DZANK1: variants seen among roughly 807,000 people sequenced by gnomAD.
DZANK1 encodes double zinc ribbon and ankyrin repeat domains 1.
A neutral mutation model predicts 94.5 loss-of-function variants in DZANK1; 91 were observed. That is an observed-to-expected ratio of 0.96 (90% confidence interval 0.81 to 1.15). The LOEUF (loss-of-function observed/expected upper bound fraction) is 1.15, where lower values mean the gene tolerates loss of function less well. Ranked by LOEUF, DZANK1 falls within the 50% of genes most tolerant of loss-of-function variation. The pLI is 0.00. For synonymous variants in DZANK1, 312 were observed against 325.3 expected, an observed-to-expected ratio of 0.96 and a Z score of 0.44; for missense variants, 903 against 916.4, an observed-to-expected ratio of 0.99 and a Z score of 0.19.
intron 13 of DZANK1, among the ~76,000 whole-genome samples, chr20:18,409,886 A>G (rs947980313): frequency 3.3e-5 from 5 of 152,098 alleles, no homozygotes; most frequent in Admixed American, 2.6e-4. Context: ...TGGCTAACAC[A>G]GTGAAACCCT....
At chr20:18,402,309 C>T (rs565551796) in intron 13 of DZANK1, among the ~76,000 whole-genome samples, 2 of 152,254 alleles carry the variant, frequency 1.3e-5, no homozygotes, top group African/African-American at 4.8e-5. Context: ...AGATAGAAGA[C>T]ACCTGAAGCT....
At chr20:18,413,159 TC>T in intron 12 of DZANK1, 1 of 390,912 alleles carries the variant, frequency 2.6e-6, no homozygotes, top group Non-Finnish European at 4.6e-6. Flanking sequence ...AGCATAGACT[TC>T]ACTACTAATC....
chr20:18,433,432 C>T, intron 9 of DZANK1: 5 of 488,506 alleles, frequency 1.0e-5, no homozygotes, highest in Non-Finnish European at 1.8e-5. Flanking sequence ...GTTCCAGCTA[C>T]TCAGGAGGCT....
intron 3 of DZANK1, among the ~76,000 whole-genome samples, chr20:18,456,660 T>C (rs2059303082): frequency 6.6e-6 from 1 of 152,164 alleles, no homozygotes; most frequent in South Asian, 2.1e-4. Context: ...ATAAATGTAA[T>C]TATACATATG....
intron 13 of DZANK1, among the ~76,000 whole-genome samples, chr20:18,409,307 T>A (rs2057116832): frequency 6.6e-6 from 1 of 151,696 alleles, no homozygotes; most frequent in East Asian, 1.9e-4. Flanking sequence ...AAGAGAGAGG[T>A]GATTCCTAAG....
At chr20:18,396,338 T>A (rs1386554288) in intron 15 of DZANK1, 134 bp downstream of exon 15, 2 of 651,360 alleles carry the variant, frequency 3.1e-6, no homozygotes, top group Non-Finnish European at 5.3e-6. Context: ...TCTATGAAAT[T>A]GCTTGCCTCT....
intron 17 of DZANK1, among the ~76,000 whole-genome samples, chr20:18,391,729 A>T (rs574299233): frequency 6.6e-6 from 1 of 152,160 alleles, no homozygotes; most frequent in African/African-American, 2.4e-5. Context: ...TGGAAATAAT[A>T]CCTTCCCTGT....
At chr20:18,466,578 G>A (rs1034471468) in intron 1 of DZANK1, among the ~76,000 whole-genome samples, 2 of 152,164 alleles carry the variant, frequency 1.3e-5, no homozygotes, top group African/African-American at 4.8e-5. Flanking sequence ...TTAAGTGAAA[G>A]GCAGATAAAA....
At chr20:18,413,170 C>G (rs897350540) in intron 12 of DZANK1, 1 of 342,022 alleles carries the variant, frequency 2.9e-6, no homozygotes, top group Admixed American at 4.4e-5. Context: ...CACTACTAAT[C>G]CACACTCAGC....
At chr20:18,429,853 A>G (rs2058211234) in intron 9 of DZANK1, among the ~76,000 whole-genome samples, 1 of 152,226 alleles carries the variant, frequency 6.6e-6, no homozygotes. Flanking sequence ...AAATCATTTT[A>G]TATCACAATC....
rs139356280 is a variant in DZANK1, at chr20:18,426,844, A to C, written c.954+223T>G. Among the ~76,000 whole-genome samples the C allele has an allele frequency of 5.7e-3, 864 of 152,314 alleles. 12 individuals are homozygous for C. Among genetic ancestry groups the C allele is most frequent in the African/African-American group, 0.02 (820 of 41,564 alleles). On this transcript the variant is annotated intron_variant, in intron 10 of 20. Transcript: ENST00000262547. ...TGCAAAGTTATTAAACAAAATCATA[A>C]GAAATTATTGATTTTACTGAATCCT...
intron 14 of DZANK1, among the ~76,000 whole-genome samples, chr20:18,397,000 A>T (rs2056379998): frequency 1.3e-5 from 2 of 152,332 alleles, no homozygotes; most frequent in South Asian, 4.1e-4. Flanking sequence ...GATTAAGCCA[A>T]GGGACAAGAA....
intron 7 of DZANK1, among the ~76,000 whole-genome samples, chr20:18,445,666 T>C (rs1474379660): frequency 3.3e-5 from 5 of 152,158 alleles, no homozygotes; most frequent in Admixed American, 6.5e-5. Flanking sequence ...TTTGGGAGAC[T>C]AAGGTGGGAG....
At chr20:18,449,868 C>T (rs937856799) in intron 6 of DZANK1, among the ~76,000 whole-genome samples, 7 of 151,254 alleles carry the variant, frequency 4.6e-5, no homozygotes, top group Admixed American at 6.6e-5. Flanking sequence ...CACCTGAGGT[C>T]GGGAGTTCGA....
At chr20:18,447,377 A>G (rs2058917698) in intron 7 of DZANK1, among the ~76,000 whole-genome samples, 1 of 152,182 alleles carries the variant, frequency 6.6e-6, no homozygotes, top group Non-Finnish European at 1.5e-5. Flanking sequence ...GCTGGAGTGC[A>G]GTGGCACAAT....
chr20:18,415,834 T>C (rs2057466151), intron 10 of DZANK1, among the ~76,000 whole-genome samples: 1 of 152,256 alleles, frequency 6.6e-6, no homozygotes, highest in Non-Finnish European at 1.5e-5. Flanking sequence ...TTCTATCCTT[T>C]GGAGTTTTGG....
In DZANK1 at chr20:18,389,726, C is replaced by T. The variant is rs576113894; in HGVS notation, c.1993G>A (p.Ala665Thr). The change falls in exon 19 of 21, where the codon GCA becomes ACA. Residue 665 changes from alanine (A) to threonine (T), a missense_variant. Transcript: ENST00000262547. ...GGCCCCCACTGCTGGTCGATGTCTG[C>T]TCCTCTCTGCACGAGAACTGGAATC... 4.4e-5 allele frequency: 71 copies of T among 1,613,936 alleles called. No individual in the cohort carries two copies. In the South Asian group the frequency reaches 7.2e-4, roughly 16 times the overall value.
intron 15 of DZANK1, 135 bp from the exon 16 acceptor site, chr20:18,394,485 G>A (rs1051119682): frequency 4.6e-6 from 4 of 878,860 alleles, no homozygotes; most frequent in Non-Finnish European, 7.3e-6. Context: ...CCTGAGACCT[G>A]GATGTCCTTC....
chr20:18,420,619 C>G (rs760466998), intron 10 of DZANK1: 1 of 215,932 alleles, frequency 4.6e-6, no homozygotes, highest in Non-Finnish European at 9.9e-6. Flanking sequence ...GTGCTTCCAG[C>G]GGAGGATGCC....
Sources: gnomAD v4.1 joint callset for allele counts (sites outside exome capture counted in the v4.1 genomes callset) on GRCh38, gnomAD v4.1.1 for gene constraint, MANE v1.5 for transcripts, NCBI Gene and HGNC (gene_info 2026-07-23, HGNC 2026-07-21) for gene names.